Variants in MPHOSPH6 observed in about 807,000 individuals in gnomAD.
The protein encoded by MPHOSPH6 is M-phase phosphoprotein 6.
MPHOSPH6 carries 25 observed loss-of-function variants against 21.8 expected under a neutral mutation model. That is an observed-to-expected ratio of 1.15 (90% CI 0.83 to 1.60). The LOEUF (loss-of-function observed/expected upper bound fraction) is 1.60, where lower values mean the gene tolerates loss of function less well. Among genes scored for constraint, MPHOSPH6 ranks in the 40% most tolerant of loss-of-function variants. The pLI, the probability that MPHOSPH6 is intolerant of heterozygous loss-of-function variation, is 0.00. For synonymous variants in MPHOSPH6, 84 were observed against 56.5 expected, an observed-to-expected ratio of 1.49 and a Z score of -2.18; for missense variants, 269 against 181.8, an observed-to-expected ratio of 1.48 and a Z score of -2.76.
At chr16:82,165,735 C>T (rs73591491) in intron 1 of MPHOSPH6, among the ~76,000 whole-genome samples, 9,592 of 152,298 alleles carry the variant, frequency 0.063, 546 homozygotes, top group African/African-American at 0.14. Flanking sequence ...TTGCAGCCTA[C>T]GAACAACAGG....
chr16:82,166,268 G>A (rs770681541), intron 1 of MPHOSPH6, among the ~76,000 whole-genome samples: 1 of 152,222 alleles, frequency 6.6e-6, no homozygotes, highest in Non-Finnish European at 1.5e-5. Context: ...GTGTTTTGCA[G>A]TCGTCATCCA....
At chr16:82,159,656 T>C (rs1567614197) in intron 2 of MPHOSPH6, among the ~76,000 whole-genome samples, 1 of 152,196 alleles carries the variant, frequency 6.6e-6, no homozygotes, top group Non-Finnish European at 1.5e-5. Flanking sequence ...TCCGCCTGCC[T>C]CGGCCTCCCA....
At chr16:82,168,450 C>CCATATAAT (rs1053976800) in intron 1 of MPHOSPH6, among the ~76,000 whole-genome samples, 3 of 148,500 alleles carry the variant, frequency 2.0e-5, no homozygotes, top group African/African-American at 7.5e-5. Flanking sequence ...CAAATCTTGC[C>CCATATAAT]CATATAATGT....
At chr16:82,159,192 A>G (rs905230139) in intron 2 of MPHOSPH6, among the ~76,000 whole-genome samples, 5 of 152,228 alleles carry the variant, frequency 3.3e-5, no homozygotes, top group African/African-American at 4.8e-5. Context: ...AGGCGTTCAG[A>G]GTCTAGCTGT....
Position 82,169,996 on chromosome 16 carries a change from G to A in MPHOSPH6, c.51+129C>T, listed in dbSNP as rs1044326389. On this transcript the variant is annotated intron_variant, in intron 1 of 4. Transcript: ENST00000258169. ...CAGAGCAGGCGCTAAGTGAATGAAT[G>A]AGCACGAGAGCTGGAAGCCCTCTGA... 15 of 1,059,160 alleles carry A rather than the reference G, an allele frequency of 1.4e-5. No homozygotes were observed. The East Asian group carries it at 4.6e-4, about 33-fold the overall frequency. The allele number at this position is 1,059,160 out of a possible 1,614,324, so 65.6% of individuals were successfully genotyped here.
chr16:82,156,001 C>G (rs1597161177), intron 2 of MPHOSPH6, among the ~76,000 whole-genome samples: 2 of 151,768 alleles, frequency 1.3e-5, no homozygotes, highest in Non-Finnish European at 2.9e-5. Context: ...TAGAGGCAAA[C>G]CATGGATAAA....
Position 82,156,580 on chromosome 16 carries a change from C to T in MPHOSPH6, c.165-5066G>A, listed in dbSNP as rs190851225. Among the ~76,000 whole-genome samples, 63 of 152,248 alleles carry T rather than the reference C, an allele frequency of 4.1e-4. 1 individual carries two copies. Among genetic ancestry groups the T allele is most frequent in the Non-Finnish European group, 2.6e-4 (18 of 68,018 alleles). Reference sequence around the variant, plus strand: ...AATTAAAAACCATAATAAGATGCCACTAAAATAGTTAAAAGTAAAAAGATA... The same window carrying T: ...AATTAAAAACCATAATAAGATGCCATTAAAATAGTTAAAAGTAAAAAGATA... On this transcript the variant is annotated intron_variant, in intron 2 of 4. Coordinates refer to ENST00000258169, the MANE Select transcript of MPHOSPH6 (RefSeq NM_005792.2).
intron 2 of MPHOSPH6, among the ~76,000 whole-genome samples, chr16:82,163,640 G>T (rs1906673022): frequency 6.6e-6 from 1 of 152,200 alleles, no homozygotes. Flanking sequence ...TAGCTAAAAT[G>T]GATGGTATTA....
intron 1 of MPHOSPH6, among the ~76,000 whole-genome samples, chr16:82,166,960 C>T (rs1427972930): frequency 6.6e-6 from 1 of 152,158 alleles, no homozygotes; most frequent in East Asian, 1.9e-4. Flanking sequence ...TTTCAGAACA[C>T]ATTCCAAAAC....
intron 1 of MPHOSPH6, among the ~76,000 whole-genome samples, chr16:82,165,346 A>C (rs1460983900): frequency 6.6e-6 from 1 of 151,598 alleles, no homozygotes; most frequent in African/African-American, 2.4e-5. Context: ...GGCTGGTCTC[A>C]AACTCCTGAC....
At position 82,157,609 on chromosome 16, in the gene MPHOSPH6, C is replaced by G. The variant is rs185563772; in HGVS notation, c.165-6095G>C. Among the ~76,000 whole-genome samples, 383 of 152,276 alleles carry G rather than the reference C, an allele frequency of 2.5e-3. 3 individuals are homozygous for G. Among genetic ancestry groups the G allele is most frequent in the Non-Finnish European group, 1.9e-3 (129 of 68,020 alleles). On this transcript the variant is annotated intron_variant, in intron 2 of 4. Coordinates refer to ENST00000258169, the MANE Select transcript of MPHOSPH6 (RefSeq NM_005792.2). The stretch of plus-strand genomic sequence containing the variant: ...ATACAGCTGTAGACTTAAGTACATT[C>G]CACTGAATGCAACCACCACCCACAC...
At chr16:82,161,525 G>C (rs934613600) in intron 2 of MPHOSPH6, among the ~76,000 whole-genome samples, 4 of 152,212 alleles carry the variant, frequency 2.6e-5, no homozygotes, top group African/African-American at 7.2e-5. Context: ...TAAGGCAATA[G>C]ATAGCAAAAT....
At chr16:82,150,562 C>A (rs556999261) in intron 3 of MPHOSPH6, among the ~76,000 whole-genome samples, 32 of 152,338 alleles carry the variant, frequency 2.1e-4, no homozygotes, top group African/African-American at 7.0e-4. Context: ...TGGTTCTTAA[C>A]TGGGGATGAT....
At chr16:82,153,416 A>G (rs1219110558) in intron 2 of MPHOSPH6, among the ~76,000 whole-genome samples, 1 of 152,224 alleles carries the variant, frequency 6.6e-6, no homozygotes, top group East Asian at 1.9e-4. Flanking sequence ...AGTAGACCCC[A>G]TGAATGCGGA....
chr16:82,148,710 C>T lies in MPHOSPH6; in HGVS notation c.*21G>A. 2 of 1,612,966 alleles carry T rather than the reference C, an allele frequency of 1.2e-6. No homozygotes were observed. Among genetic ancestry groups the T allele is most frequent in the Non-Finnish European group, 8.5e-7 (1 of 1,179,528 alleles). ...CTGACTTCCACCAAGCACCCCTGGGCCATCGCTTAAGGCATCCATCTTAAT... is the reference window on the plus strand; with the variant it reads ...CTGACTTCCACCAAGCACCCCTGGGTCATCGCTTAAGGCATCCATCTTAAT... On this transcript the variant is annotated 3_prime_UTR_variant, in exon 5 of 5. Coordinates refer to ENST00000258169, the MANE Select transcript of MPHOSPH6 (RefSeq NM_005792.2).
chr16:82,153,593 G>C (rs778578911), intron 2 of MPHOSPH6, among the ~76,000 whole-genome samples: 1 of 152,300 alleles, frequency 6.6e-6, no homozygotes, highest in Admixed American at 6.5e-5. Context: ...TGGAATATCT[G>C]GGTGAGGATA....
At chr16:82,161,330 T>G (rs554482023) in intron 2 of MPHOSPH6, among the ~76,000 whole-genome samples, 5 of 152,302 alleles carry the variant, frequency 3.3e-5, no homozygotes, top group African/African-American at 1.2e-4. Flanking sequence ...TCAGTGAAAG[T>G]GTGGCAGGCT....
intron 1 of MPHOSPH6, among the ~76,000 whole-genome samples, chr16:82,166,834 G>A (rs913199589): frequency 5.9e-5 from 9 of 151,892 alleles, no homozygotes; most frequent in African/African-American, 2.2e-4. Context: ...TATTCTTTTG[G>A]TATACAACAG....
intron 1 of MPHOSPH6, among the ~76,000 whole-genome samples, chr16:82,169,299 T>C (rs1258920577): frequency 6.6e-6 from 1 of 152,212 alleles, no homozygotes; most frequent in East Asian, 1.9e-4. Flanking sequence ...TTCTTGGAAA[T>C]TTCCATGGTT....
Sources: gnomAD v4.1 joint callset for allele counts (sites outside exome capture counted in the v4.1 genomes callset) on GRCh38, gnomAD v4.1.1 for gene constraint, MANE v1.5 for transcripts, NCBI Gene and HGNC (gene_info 2026-07-23, HGNC 2026-07-21) for gene names.